FSTL4: variants seen among roughly 807,000 people sequenced by gnomAD.
FSTL4 encodes the protein follistatin-related protein 4.
A neutral mutation model predicts 78.2 loss-of-function variants in FSTL4; 28 were observed. The ratio of observed to expected loss-of-function variants is 0.36; its 90% CI spans 0.27 to 0.49. The LOEUF is 0.49. FSTL4 is among the 20% of genes least tolerant of loss of function. FSTL4 has a pLI of 0.98. For synonymous variants in FSTL4, 422 were observed against 440.5 expected (o/e 0.96, Z 0.53); for missense variants, 922 against 1,084.9 (o/e 0.85, Z 2.11).
the FSTL4 span, among the ~76,000 whole-genome samples, chr5:133,758,135 G>T: frequency 6.6e-6 from 1 of 152,124 alleles, no homozygotes; most frequent in East Asian, 1.9e-4. Flanking sequence ...CACTAAGGTC[G>T]ATCCTTTACA....
the FSTL4 span, among the ~76,000 whole-genome samples, chr5:133,651,768 G>T: frequency 6.6e-6 from 1 of 151,958 alleles, no homozygotes; most frequent in African/African-American, 2.4e-5. Context: ...TCTTTCTTTG[G>T]CTTTGGTATT....
chr5:133,771,236 TG>T, the FSTL4 span, among the ~76,000 whole-genome samples: 1 of 152,244 alleles, frequency 6.6e-6, no homozygotes. Flanking sequence ...ATTTTGGTAT[TG>T]TTTTTTCTGA....
At chr5:133,396,785 C>T (rs562827128) in intron 4 of FSTL4, among the ~76,000 whole-genome samples, 24 of 152,254 alleles carry the variant, frequency 1.6e-4, no homozygotes, top group African/African-American at 5.8e-4. Flanking sequence ...TAACTTGCAA[C>T]AAAATACTGA....
At chr5:133,536,575 T>G (rs1308691377) in intron 3 of FSTL4, among the ~76,000 whole-genome samples, 1 of 152,072 alleles carries the variant, frequency 6.6e-6, no homozygotes, top group Non-Finnish European at 1.5e-5. Context: ...AATTAACTTA[T>G]GAATAGAAGC....
intron 6 of FSTL4, among the ~76,000 whole-genome samples, chr5:133,276,684 A>G (rs1752891535): frequency 6.6e-6 from 1 of 152,138 alleles, no homozygotes; most frequent in Non-Finnish European, 1.5e-5. Context: ...ATATCTTGTT[A>G]CTCTGTGCAT....
At chr5:133,267,828 G>T (rs958471586) in intron 6 of FSTL4, among the ~76,000 whole-genome samples, 7 of 152,144 alleles carry the variant, frequency 4.6e-5, no homozygotes, top group Admixed American at 3.9e-4. Context: ...ATGAGACATA[G>T]GAGGCAAACC....
the FSTL4 span, among the ~76,000 whole-genome samples, chr5:133,659,512 T>C: frequency 6.6e-6 from 1 of 151,944 alleles, no homozygotes; most frequent in Non-Finnish European, 1.5e-5. Context: ...TTTTGTCTTT[T>C]AAATTCACTT....
At chr5:133,774,802 T>C in the FSTL4 span, among the ~76,000 whole-genome samples, 1 of 152,180 alleles carries the variant, frequency 6.6e-6, no homozygotes, top group Non-Finnish European at 1.5e-5. Flanking sequence ...GTCTGTTACA[T>C]TGATATTATT....
At chr5:133,481,528 T>G (rs1353131847) in intron 3 of FSTL4, among the ~76,000 whole-genome samples, 1 of 117,436 alleles carries the variant, frequency 8.5e-6, no homozygotes, top group Non-Finnish European at 1.6e-5. Flanking sequence ...GGTGACAGAG[T>G]GAGACTGTCT....
the FSTL4 span, among the ~76,000 whole-genome samples, chr5:133,656,694 C>A: frequency 6.6e-6 from 1 of 152,084 alleles, no homozygotes; most frequent in Non-Finnish European, 1.5e-5. Flanking sequence ...AGAGGCCCAG[C>A]CAAGTAAGGA....
At chr5:133,278,650 A>T (rs537570653) in intron 6 of FSTL4, among the ~76,000 whole-genome samples, 52 of 152,274 alleles carry the variant, frequency 3.4e-4, no homozygotes, top group Admixed American at 2.7e-3. Flanking sequence ...CGGACATGAG[A>T]GGTGCAAGGA....
intron 6 of FSTL4, among the ~76,000 whole-genome samples, chr5:133,277,985 G>A (rs55650607): frequency 0.15 from 22,306 of 152,020 alleles, 1,766 homozygotes; most frequent in South Asian, 0.17. Context: ...GCTCAGTCCC[G>A]TGGCCTGGAA....
chr5:133,644,205 C>G, the FSTL4 span, among the ~76,000 whole-genome samples: 1 of 152,190 alleles, frequency 6.6e-6, no homozygotes, highest in Non-Finnish European at 1.5e-5. Context: ...AACAGCCCTT[C>G]TGGTCGCTAG....
chr5:133,572,976 G>A (rs1760192399), intron 2 of FSTL4, among the ~76,000 whole-genome samples: 1 of 152,126 alleles, frequency 6.6e-6, no homozygotes, highest in South Asian at 2.1e-4. Flanking sequence ...TGGGCGAGGT[G>A]ACTCATGCAT....
At chr5:133,429,783 C>A (rs897771861) in intron 3 of FSTL4, among the ~76,000 whole-genome samples, 5 of 152,208 alleles carry the variant, frequency 3.3e-5, no homozygotes, top group African/African-American at 7.2e-5. Flanking sequence ...CATCCACCTT[C>A]AGCATGAGGC....
chr5:133,588,162 G>A (rs1580806656), intron 2 of FSTL4, among the ~76,000 whole-genome samples: 1 of 119,376 alleles, frequency 8.4e-6, no homozygotes. Context: ...TTAAACGTTA[G>A]ACCTAAAACC....
At chr5:133,485,501 A>G (rs992319478) in intron 3 of FSTL4, among the ~76,000 whole-genome samples, 3 of 152,254 alleles carry the variant, frequency 2.0e-5, no homozygotes, top group Admixed American at 2.0e-4. Flanking sequence ...AGCAACTCAA[A>G]TTAGGCTAAG....
At chr5:133,453,688 G>A (rs1245324318) in intron 3 of FSTL4, among the ~76,000 whole-genome samples, 1 of 152,158 alleles carries the variant, frequency 6.6e-6, no homozygotes, top group Non-Finnish European at 1.5e-5. Context: ...GCCACAGCAC[G>A]CCCCAAGCAA....
intron 3 of FSTL4, among the ~76,000 whole-genome samples, chr5:133,408,279 C>T (rs900969015): frequency 6.6e-5 from 10 of 152,020 alleles, no homozygotes; most frequent in African/African-American, 2.4e-4. Context: ...TTCTCAATAC[C>T]ACCCAAATCC....
Sources: gnomAD v4.1 joint callset for allele counts (sites outside exome capture counted in the v4.1 genomes callset) on GRCh38, gnomAD v4.1.1 for gene constraint, MANE v1.5 for transcripts, NCBI Gene and HGNC (gene_info 2026-07-23, HGNC 2026-07-21) for gene names.